The following VPS41 variants were observed in gnomAD, a reference collection of about 807,000 sequenced individuals.
VPS41 encodes the protein vacuolar protein sorting-associated protein 41 homolog.
VPS41 carries 85 observed loss-of-function variants against 130.9 expected under a neutral mutation model. The ratio of observed to expected loss-of-function variants is 0.65; its 90% CI spans 0.55 to 0.78. The LOEUF (loss-of-function observed/expected upper bound fraction) is 0.78. Among genes scored for constraint, VPS41 ranks in the 30% least tolerant of loss-of-function variants. The pLI, the probability that VPS41 is intolerant of heterozygous loss-of-function variation, is 0.00. For synonymous variants in VPS41, 335 were observed against 332.9 expected, an observed-to-expected ratio of 1.01 and a Z score of -0.07; for missense variants, 874 against 1,018.7, an observed-to-expected ratio of 0.86 and a Z score of 1.93.
intron 6 of VPS41, among the ~76,000 whole-genome samples, chr7:38,819,523 C>G (rs572500597): frequency 2.0e-5 from 3 of 152,122 alleles, no homozygotes; most frequent in Non-Finnish European, 4.4e-5. Flanking sequence ...CCAATTTATT[C>G]CTTCATGTAT....
At chr7:38,737,418 T>C (rs1256880006) in intron 25 of VPS41, among the ~76,000 whole-genome samples, 1 of 152,092 alleles carries the variant, frequency 6.6e-6, no homozygotes, top group African/African-American at 2.4e-5. Flanking sequence ...AACCCTAGTC[T>C]TGGTCATAGA....
At position 38,897,662 on chromosome 7, in the gene VPS41, A is replaced by G. The variant is rs923725625; in HGVS notation, c.60+429T>C. On this transcript the variant is annotated intron_variant, in intron 2 of 28. Transcript: ENST00000310301. ...TCCGTCTCAAAAAAAAAAAAAAAAAAGAAGCAAACTCCAATTTCAATGATT... is the reference window on the plus strand; with the variant it reads ...TCCGTCTCAAAAAAAAAAAAAAAAAGGAAGCAAACTCCAATTTCAATGATT... Among the ~76,000 whole-genome samples, 11 of 142,984 alleles carry G rather than the reference A, an allele frequency of 7.7e-5. No individual in the cohort carries two copies. The South Asian group carries it at 1.3e-3, about 17-fold the overall frequency. The allele number at this position is 142,984 out of a possible 152,430, so 93.8% of individuals were successfully genotyped here.
At chr7:38,883,713 G>C (rs570219535) in intron 2 of VPS41, among the ~76,000 whole-genome samples, 2 of 152,196 alleles carry the variant, frequency 1.3e-5, no homozygotes, top group African/African-American at 4.8e-5. Flanking sequence ...TCTAGGTAGT[G>C]AAATTATAAA....
intron 7 of VPS41, among the ~76,000 whole-genome samples, chr7:38,815,573 T>C (rs1785031526): frequency 6.6e-6 from 1 of 152,202 alleles, no homozygotes; most frequent in African/African-American, 2.4e-5. Flanking sequence ...ATGCAAAGTA[T>C]TGCTCCTGGG....
At chr7:38,879,174 G>A (rs942144617) in intron 2 of VPS41, among the ~76,000 whole-genome samples, 1 of 152,256 alleles carries the variant, frequency 6.6e-6, no homozygotes, top group Non-Finnish European at 1.5e-5. Flanking sequence ...GCACTGAAAC[G>A]ACCCACAGTG....
At chr7:38,816,348 T>C (rs920610976) in intron 7 of VPS41, among the ~76,000 whole-genome samples, 3 of 152,174 alleles carry the variant, frequency 2.0e-5, no homozygotes, top group Non-Finnish European at 2.9e-5. Context: ...AACCTGCCAC[T>C]CATTACAACG....
At chr7:38,786,906 T>C (rs1342354714) in intron 10 of VPS41, among the ~76,000 whole-genome samples, 1 of 152,082 alleles carries the variant, frequency 6.6e-6, no homozygotes, top group East Asian at 1.9e-4. Context: ...GATACTTAGA[T>C]CTAGGAAAGA....
chr7:38,896,365 A>G (rs1382011851), intron 2 of VPS41, among the ~76,000 whole-genome samples: 1 of 152,270 alleles, frequency 6.6e-6, no homozygotes, highest in Non-Finnish European at 1.5e-5. Context: ...ATGCCTTACC[A>G]GAAGCCCCAC....
At chr7:38,727,047 A>C in intron 27 of VPS41, 59 bp from the exon 28 acceptor site, 2 of 1,403,778 alleles carry the variant, frequency 1.4e-6, no homozygotes, top group Non-Finnish European at 1.9e-6. Context: ...ATCATTTTAA[A>C]CCAATCCCGA....
chr7:38,906,352 C>T (rs576400607), intron 1 of VPS41, among the ~76,000 whole-genome samples: 62 of 150,530 alleles, frequency 4.1e-4, no homozygotes, highest in Non-Finnish European at 7.6e-4. Context: ...GTTTGTTTTT[C>T]GTTTTTTTTT....
intron 7 of VPS41, chr7:38,797,118 A>C: frequency 3.0e-6 from 1 of 328,616 alleles, no homozygotes; most frequent in Non-Finnish European, 5.7e-6. Context: ...GTGGCACCAA[A>C]ACACCAAGAT....
intron 19 of VPS41, 71 bp from the exon 20 acceptor site, chr7:38,755,007 G>A: frequency 2.1e-6 from 3 of 1,424,256 alleles, no homozygotes; most frequent in African/African-American, 1.4e-5. Context: ...ACACAATGCA[G>A]TGTACCTACC....
intron 11 of VPS41, 132 bp downstream of exon 11, chr7:38,776,547 T>C (rs566021825): frequency 4.8e-5 from 27 of 556,900 alleles, no homozygotes; most frequent in Admixed American, 1.1e-4. Context: ...GGGTAATCTC[T>C]GCCAACCTTA....
chr7:38,741,472 A>G (rs572489008), intron 25 of VPS41: 60 of 207,452 alleles, frequency 2.9e-4, no homozygotes, highest in Non-Finnish European at 4.1e-4. Flanking sequence ...ATAAAGTTGC[A>G]CTATTCTAGA....
At chr7:38,889,121 T>G (rs1487177431) in intron 2 of VPS41, among the ~76,000 whole-genome samples, 1 of 142,602 alleles carries the variant, frequency 7.0e-6, no homozygotes, top group East Asian at 2.1e-4. Flanking sequence ...AAAAAAAAAA[T>G]GAAGAGTCTC....
At chr7:38,908,815 C>T (rs942990471) in intron 1 of VPS41, among the ~76,000 whole-genome samples, 1 of 152,210 alleles carries the variant, frequency 6.6e-6, no homozygotes, top group Non-Finnish European at 1.5e-5. Flanking sequence ...TTCAGTCACC[C>T]GGCCTCTCTT....
At chr7:38,834,826 T>C (rs1785460691) in intron 4 of VPS41, among the ~76,000 whole-genome samples, 1 of 152,062 alleles carries the variant, frequency 6.6e-6, no homozygotes, top group Admixed American at 6.5e-5. Context: ...AATGTTCTCA[T>C]TCTAATCTGG....
intron 3 of VPS41, among the ~76,000 whole-genome samples, chr7:38,863,029 G>A (rs147187238): frequency 2.6e-5 from 4 of 152,260 alleles, no homozygotes; most frequent in African/African-American, 7.2e-5. Flanking sequence ...CAGTGCTATC[G>A]CTTAAGCTGC....
intron 2 of VPS41, among the ~76,000 whole-genome samples, chr7:38,871,676 A>G (rs1322714919): frequency 1.3e-5 from 2 of 152,232 alleles, no homozygotes; most frequent in Non-Finnish European, 2.9e-5. Flanking sequence ...AAATGATGCT[A>G]CAAATCACAA....
Sources: gnomAD v4.1 joint callset for allele counts (sites outside exome capture counted in the v4.1 genomes callset) on GRCh38, gnomAD v4.1.1 for gene constraint, MANE v1.5 for transcripts, NCBI Gene and HGNC (gene_info 2026-07-23, HGNC 2026-07-21) for gene names.